SLC18A1: variants seen among roughly 807,000 people sequenced by gnomAD.
SLC18A1 encodes chromaffin granule amine transporter.
A neutral mutation model predicts 53.7 loss-of-function variants in SLC18A1; 69 were observed. That is an observed-to-expected ratio of 1.28 (90% CI 1.06 to 1.57). SLC18A1 has a LOEUF of 1.57. Ranked by LOEUF, SLC18A1 falls within the 40% of genes most tolerant of loss-of-function variation. The probability of loss-of-function intolerance (pLI) is 0.00; values close to 1 mark genes in which losing one functional copy is unlikely to be tolerated. For synonymous variants in SLC18A1, 320 were observed against 248.1 expected (o/e 1.29, Z -2.72); for missense variants, 932 against 668.1 (o/e 1.40, Z -4.35).
chr8:20,174,947 C>T (rs1025619932), intron 4 of SLC18A1, among the ~76,000 whole-genome samples: 2 of 152,144 alleles, frequency 1.3e-5, no homozygotes, highest in Non-Finnish European at 2.9e-5. Flanking sequence ...CAATCAGATC[C>T]TTTTTTATAT....
rs755383993 is a variant in SLC18A1, at chr8:20,171,106, A to T, written c.855T>A (p.Pro285=). 1.2e-6 allele frequency: 2 copies of T among 1,614,152 alleles called. No homozygotes were observed. The highest frequency in any genetic ancestry group is 2.2e-5 in the South Asian group (2 of 91,088). Residue 285 remains proline, a synonymous_variant, in exon 8 of 16, where the codon CCT becomes CCA. Transcript: ENST00000276373. The part of the protein sequence containing the change: ...LCILQPSKVS[P]ESAKGTPLFM... Reference sequence around the variant, plus strand: ...ATGGAGCTTTGTGTCTGCTTACCTCAGGAGAGACTTTGGAAGGCTGTAGGA... The same window carrying T: ...ATGGAGCTTTGTGTCTGCTTACCTCTGGAGAGACTTTGGAAGGCTGTAGGA...
At chr8:20,173,867 AC>A (rs1262112072) in intron 5 of SLC18A1, among the ~76,000 whole-genome samples, 2 of 148,962 alleles carry the variant, frequency 1.3e-5, no homozygotes, top group African/African-American at 2.5e-5. Context: ...AGATCTATGG[AC>A]CCTGTTAGAA....
intron 15 of SLC18A1, 77 bp from the exon 16 acceptor site, chr8:20,145,953 T>C (rs1423810967): frequency 3.7e-5 from 29 of 794,404 alleles, no homozygotes; most frequent in Non-Finnish European, 5.3e-5. Context: ...TCTCGCTCTG[T>C]TGCCCAGGCT....
At chr8:20,173,921 G>C (rs1365378926) in intron 5 of SLC18A1, among the ~76,000 whole-genome samples, 2 of 144,564 alleles carry the variant, frequency 1.4e-5, no homozygotes, top group African/African-American at 5.3e-5. Flanking sequence ...TTTTGAGTTA[G>C]GGTCTAGCTC....
At position 20,171,626 on chromosome 8, in the gene SLC18A1, T is replaced by A. The variant is rs57128109; in HGVS notation, c.725-132A>T. 4.6e-4 allele frequency: 314 copies of A among 684,616 alleles called. 2 individuals are homozygous for A. In the African/African-American group the frequency reaches 5.0e-3, roughly 11 times the overall value. The allele number at this position is 684,616 out of a possible 1,614,324, so 42.4% of individuals were successfully genotyped here. On this transcript the variant is annotated intron_variant, in intron 6 of 15. Transcript: ENST00000276373. ...TAAGCTCCACCTGAGGCTCTGGGAA[T>A]TCAGAGATGGAGACATGATCCCTGT...
At position 20,171,398 on chromosome 8, in the gene SLC18A1, G is replaced by T; in HGVS notation, c.814+7C>A. 1 of 1,611,798 alleles carries T rather than the reference G, an allele frequency of 6.2e-7. No homozygotes were observed. The highest frequency in any genetic ancestry group is 1.1e-5 in the South Asian group (1 of 90,990). On this transcript the variant is annotated splice_region_variant and intron_variant, in intron 7 of 15. Transcript: ENST00000276373. The stretch of plus-strand genomic sequence containing the variant: ...GTCACCTGCTGGAGGCTCTGATGGT[G>T]ACTTACCTCCATCCAGTAGTGCCAG...
At chr8:20,176,888 C>A (rs1434857612) in intron 4 of SLC18A1, among the ~76,000 whole-genome samples, 1 of 152,104 alleles carries the variant, frequency 6.6e-6, no homozygotes, top group Admixed American at 6.5e-5. Context: ...GGATATCATG[C>A]TAAAACGTCT....
intron 8 of SLC18A1, among the ~76,000 whole-genome samples, chr8:20,167,133 C>CA (rs374798341): frequency 0.045 from 5,884 of 131,218 alleles, 133 homozygotes; most frequent in Middle Eastern, 0.076. Flanking sequence ...AACTAAATGC[C>CA]AAAAAAAAAA....
chr8:20,170,196 C>T (rs889864228), intron 8 of SLC18A1, among the ~76,000 whole-genome samples: 4 of 152,090 alleles, frequency 2.6e-5, no homozygotes, highest in Non-Finnish European at 2.9e-5. Context: ...CAGGAGACTG[C>T]GGGAGGCTCC....
intron 5 of SLC18A1, among the ~76,000 whole-genome samples, chr8:20,173,956 G>T (rs1220120199): frequency 6.6e-6 from 1 of 150,796 alleles, no homozygotes; most frequent in Non-Finnish European, 1.5e-5. Context: ...AAGTGCAGAG[G>T]CACAATCATG....
chr8:20,173,172 C>T lies in SLC18A1; in HGVS notation c.632-44G>A, dbSNP rs994304500. ...ATGCAGCTGGCCCCCTGGGGGGCTT[C>T]TATCCGCCTCTCAGAGCCCTTGGTC... On this transcript the variant is annotated intron_variant, in intron 5 of 15. Coordinates refer to ENST00000276373, the MANE Select transcript of SLC18A1 (RefSeq NM_003053.4). 6 of 1,419,814 alleles carry T rather than the reference C, an allele frequency of 4.2e-6. No homozygotes were observed. In the African/African-American group the frequency reaches 7.1e-5, roughly 17 times the overall value. The allele number at this position is 1,419,814 out of a possible 1,614,324, so 88.0% of individuals were successfully genotyped here. A position where few individuals can be genotyped will look rare whatever the true frequency, so the allele number is the denominator to read the frequency against.
Position 20,149,741 on chromosome 8 carries a change from G to T in SLC18A1, c.1095-14C>A. ...GAACACAGCCACCTGGAAGAAAAAA[G>T]CCATCATCAAACACCACTAGGGGAG... On this transcript the variant is annotated splice_polypyrimidine_tract_variant and intron_variant, in intron 11 of 15. Transcript: ENST00000276373. The T allele has an allele frequency of 6.2e-7, 1 of 1,613,564 alleles. No homozygotes were observed. Among genetic ancestry groups the T allele is most frequent in the Non-Finnish European group, 8.5e-7 (1 of 1,179,778 alleles).
intron 14 of SLC18A1, 62 bp from the exon 15 acceptor site, chr8:20,147,453 G>T (rs1450918812): frequency 6.3e-7 from 1 of 1,580,418 alleles, no homozygotes; most frequent in East Asian, 2.2e-5. Context: ...CATCCTCCAC[G>T]TAGGACACTA....
rs17092115 is a variant in SLC18A1, at chr8:20,152,207, G to A, written c.1016-1463C>T. On this transcript the variant is annotated intron_variant, in intron 10 of 15. Transcript: ENST00000276373. The stretch of plus-strand genomic sequence containing the variant: ...TGCTCTAAGAATAGAAAGGATATCT[G>A]TGTGCCTGAAATATAAGAGGAAAGT... 3.6e-3 allele frequency among the ~76,000 whole-genome samples: 555 copies of A among 152,290 alleles called. 4 individuals are homozygous for A. Among genetic ancestry groups the A allele is most frequent in the African/African-American group, 0.013 (536 of 41,560 alleles).
At chr8:20,168,009 C>G (rs995813403) in intron 8 of SLC18A1, among the ~76,000 whole-genome samples, 1 of 151,948 alleles carries the variant, frequency 6.6e-6, no homozygotes. Context: ...AGGGAAAGTA[C>G]AAGATGAACG....
intron 8 of SLC18A1, among the ~76,000 whole-genome samples, chr8:20,168,598 G>T (rs1423148553): frequency 2.6e-5 from 4 of 151,402 alleles, no homozygotes; most frequent in African/African-American, 9.8e-5. Flanking sequence ...TATTTTTTTT[G>T]AGACAGAGTC....
In SLC18A1 at chr8:20,162,993, T is replaced by A. The variant is rs147865675; in HGVS notation, c.1015+1876A>T. On this transcript the variant is annotated intron_variant, in intron 10 of 15. Coordinates refer to ENST00000276373, the MANE Select transcript of SLC18A1 (RefSeq NM_003053.4). ...TCTCATTACCCATTTTCTGTCTTAGTCCATTTTCTGCTGCTATAATATAAC... is the reference window on the plus strand; with the variant it reads ...TCTCATTACCCATTTTCTGTCTTAGACCATTTTCTGCTGCTATAATATAAC... 2.8e-3 allele frequency among the ~76,000 whole-genome samples: 429 copies of A among 152,368 alleles called. 5 individuals are homozygous for A. The highest frequency in any genetic ancestry group is 9.4e-3 in the African/African-American group (390 of 41,584).
intron 4 of SLC18A1, among the ~76,000 whole-genome samples, chr8:20,177,605 T>C (rs936953862): frequency 6.6e-6 from 1 of 152,162 alleles, no homozygotes. Flanking sequence ...AACCTGCACG[T>C]TGTGCACGTG....
In SLC18A1 at chr8:20,174,440, A is replaced by T. The variant is rs1439277115; in HGVS notation, c.552T>A (p.Phe184Leu). The T allele has an allele frequency of 6.2e-7, 1 of 1,612,990 alleles. No homozygotes were observed. The highest frequency in any genetic ancestry group is 1.7e-5 in the Admixed American group (1 of 59,972). ...FVIMFLSTVM[F>L]AFSGTYTLLF... Reference sequence around the variant, plus strand: ...GTAGAGTATAGGTCCCAGAAAAAGCAAACACTGGGCAGAGAGAATAGCAAG... The same window carrying T: ...GTAGAGTATAGGTCCCAGAAAAAGCTAACACTGGGCAGAGAGAATAGCAAG... Residue 184 changes from phenylalanine to leucine, a missense_variant, in exon 5 of 16, where the codon TTT becomes TTA. Phe to Leu is a conservative substitution (Grantham distance 22). Transcript: ENST00000276373.
Sources: gnomAD v4.1 joint callset for allele counts (sites outside exome capture counted in the v4.1 genomes callset) on GRCh38, gnomAD v4.1.1 for gene constraint, MANE v1.5 for transcripts, NCBI Gene and HGNC (gene_info 2026-07-23, HGNC 2026-07-21) for gene names.